The following ABCE1 variants were observed in gnomAD, a reference collection of about 807,000 sequenced individuals.
ABCE1 encodes ATP binding cassette subfamily E member 1.
Under a neutral mutation model 83.4 loss-of-function variants are expected in ABCE1, and 22 were observed. That is an observed-to-expected ratio of 0.26 (90% CI 0.19 to 0.38). The LOEUF is 0.38. ABCE1 is among the 10% of genes least tolerant of loss of function. The pLI is 1.00. For synonymous variants in ABCE1, 204 were observed against 233.7 expected (o/e 0.87, Z 1.16); for missense variants, 330 against 721.9 (o/e 0.46, Z 6.22).
chr4:145,108,983 C>A, intron 4 of ABCE1, 149 bp from the exon 5 acceptor site: 1 of 554,920 alleles, frequency 1.8e-6, no homozygotes, highest in Non-Finnish European at 3.1e-6. Flanking sequence ...TGTTTTTTTC[C>A]TAATAGCCAG....
chr4:145,117,968 T>G (rs1749648699), intron 10 of ABCE1, among the ~76,000 whole-genome samples: 1 of 151,736 alleles, frequency 6.6e-6, no homozygotes, highest in African/African-American at 2.4e-5. Context: ...CCTGTGTAAT[T>G]TAAGCAAAAA....
intron 9 of ABCE1, among the ~76,000 whole-genome samples, chr4:145,113,285 A>G (rs1039936789): frequency 3.9e-5 from 6 of 152,240 alleles, no homozygotes; most frequent in African/African-American, 1.4e-4. Flanking sequence ...GGAAATGTCA[A>G]GAAAGCAAAT....
intron 8 of ABCE1, 24 bp from the exon 9 acceptor site, chr4:145,112,215 G>A: frequency 9.0e-7 from 1 of 1,113,806 alleles, no homozygotes; most frequent in South Asian, 1.6e-5. Context: ...ACTTATATTT[G>A]CTTTTTTTTT....
At chr4:145,108,921 C>T (rs1387201776) in intron 4 of ABCE1, among the ~76,000 whole-genome samples, 2 of 152,180 alleles carry the variant, frequency 1.3e-5, no homozygotes, top group African/African-American at 2.4e-5. Flanking sequence ...TAACAATTAA[C>T]AGTGTAAGTT....
At chr4:145,105,328 G>T (rs1413871128) in intron 2 of ABCE1, among the ~76,000 whole-genome samples, 1 of 151,906 alleles carries the variant, frequency 6.6e-6, no homozygotes, top group Non-Finnish European at 1.5e-5. Context: ...ACTTTTACTA[G>T]CATATTTTCT....
chr4:145,111,294 A>G (rs933278403), intron 8 of ABCE1, among the ~76,000 whole-genome samples: 1 of 152,216 alleles, frequency 6.6e-6, no homozygotes, highest in African/African-American at 2.4e-5. Context: ...TAGGTGCCGG[A>G]ACTTTTTATA....
In ABCE1 at chr4:145,129,303, C is replaced by T. The variant is rs1372298302; in HGVS notation, c.*1730C>T. Reference sequence around the variant, plus strand: ...TTAAAATATGTATCTTAAAATTTTACATAGCAACAGAAAGGCCTACAATTG... The same window carrying T: ...TTAAAATATGTATCTTAAAATTTTATATAGCAACAGAAAGGCCTACAATTG... On this transcript the variant is annotated 3_prime_UTR_variant, in exon 18 of 18. Coordinates refer to ENST00000296577, the MANE Select transcript of ABCE1 (RefSeq NM_002940.3). The T allele has an allele frequency of 6.6e-6, 1 of 152,046 alleles. No individual in the cohort carries two copies. Among genetic ancestry groups the T allele is most frequent in the Non-Finnish European group, 1.5e-5 (1 of 67,996 alleles). 9.4% of individuals were successfully genotyped at this position (152,046 alleles called of 1,614,324 possible).
At chr4:145,116,986 G>A (rs1305184772) in intron 9 of ABCE1, among the ~76,000 whole-genome samples, 1 of 151,744 alleles carries the variant, frequency 6.6e-6, no homozygotes, top group African/African-American at 2.4e-5. Flanking sequence ...AAACAGTTTA[G>A]GCTACATCTG....
chr4:145,128,587 A>G lies in ABCE1; in HGVS notation c.*1014A>G, dbSNP rs1749956581. The G allele has an allele frequency of 6.6e-6, 1 of 152,318 alleles. No homozygotes were observed. Among genetic ancestry groups the G allele is most frequent in the Non-Finnish European group, 1.5e-5 (1 of 68,020 alleles). The allele number at this position is 152,318 out of a possible 1,614,324, so 9.4% of individuals were successfully genotyped here. On this transcript the variant is annotated 3_prime_UTR_variant, in exon 18 of 18. Coordinates refer to ENST00000296577, the MANE Select transcript of ABCE1 (RefSeq NM_002940.3). ...AGTTTGGATATAGAGCACATTATCTAAACCATTTTGTAGTTCCAAAAACCC... is the reference window on the plus strand; with the variant it reads ...AGTTTGGATATAGAGCACATTATCTGAACCATTTTGTAGTTCCAAAAACCC...
intron 1 of ABCE1, among the ~76,000 whole-genome samples, chr4:145,101,257 G>A (rs77587400): frequency 4.6e-5 from 7 of 152,076 alleles, no homozygotes; most frequent in Non-Finnish European, 1.0e-4. Context: ...CTCTCTAGGG[G>A]GAATAGCATT....
chr4:145,121,818 G>A (rs775854500), intron 13 of ABCE1: 1 of 161,480 alleles, frequency 6.2e-6, no homozygotes, highest in Non-Finnish European at 1.4e-5. Context: ...CTTGCAGTGA[G>A]TGGAGATTGC....
intron 1 of ABCE1, among the ~76,000 whole-genome samples, chr4:145,102,382 A>G (rs1194113016): frequency 6.6e-6 from 1 of 152,198 alleles, no homozygotes; most frequent in African/African-American, 2.4e-5. Flanking sequence ...CTGAATGCTG[A>G]TAAGAATGAG....
intron 9 of ABCE1, among the ~76,000 whole-genome samples, chr4:145,116,346 T>C (rs1749606872): frequency 6.6e-6 from 1 of 151,820 alleles, no homozygotes; most frequent in African/African-American, 2.4e-5. Context: ...TACGAGGGCC[T>C]GAACTAGAAT....
In ABCE1 at chr4:145,109,019, T is replaced by G. The variant is rs1236310049; in HGVS notation, c.288-113T>G. 1.4e-5 allele frequency: 10 copies of G among 732,446 alleles called. No individual in the cohort carries two copies. The Middle Eastern group carries it at 2.3e-3, about 170-fold the overall frequency. 45.4% of individuals were successfully genotyped at this position (732,446 alleles called of 1,614,324 possible). Reference sequence around the variant, plus strand: ...TAATATCTGGCATATGTTTCTTAGCTTATTAATGGATGGTTGTGAAGTGCA... The same window carrying G: ...TAATATCTGGCATATGTTTCTTAGCGTATTAATGGATGGTTGTGAAGTGCA... On this transcript the variant is annotated intron_variant, in intron 4 of 17. Coordinates refer to ENST00000296577, the MANE Select transcript of ABCE1 (RefSeq NM_002940.3).
chr4:145,107,791 C>G (rs1309017157), intron 3 of ABCE1, among the ~76,000 whole-genome samples: 2 of 152,110 alleles, frequency 1.3e-5, no homozygotes, highest in African/African-American at 4.8e-5. Flanking sequence ...ACTCGGCAGT[C>G]CTGGAACAAT....
intron 5 of ABCE1, among the ~76,000 whole-genome samples, 183 bp from the exon 6 acceptor site, chr4:145,109,919 GT>G (rs763421099): frequency 2.6e-5 from 4 of 152,036 alleles, no homozygotes; most frequent in Non-Finnish European, 5.9e-5. Flanking sequence ...CATAATATCT[GT>G]TCTGTTTTCT....
chr4:145,120,234 G>T, intron 11 of ABCE1, 81 bp downstream of exon 11: 1 of 1,234,744 alleles, frequency 8.1e-7, no homozygotes, highest in Non-Finnish European at 1.1e-6. Flanking sequence ...GGAAAAATTT[G>T]AATCATATGT....
At chr4:145,108,985 A>G (rs968555101) in intron 4 of ABCE1, 147 bp from the exon 5 acceptor site, 1 of 569,394 alleles carries the variant, frequency 1.8e-6, no homozygotes, top group Non-Finnish European at 3.1e-6. Context: ...TTTTTTTCCT[A>G]ATAGCCAGTA....
chr4:145,102,248 A>C (rs945359298), intron 1 of ABCE1, among the ~76,000 whole-genome samples: 1 of 152,226 alleles, frequency 6.6e-6, no homozygotes, highest in African/African-American at 2.4e-5. Context: ...TCTAGAGCCT[A>C]GAATGGATTC....
Sources: allele counts gnomAD v4.1 joint callset (sites outside exome capture counted in the v4.1 genomes callset), GRCh38; gene constraint gnomAD v4.1.1; transcripts MANE v1.5; gene names NCBI Gene and HGNC (gene_info 2026-07-23, HGNC 2026-07-21).